The following C12orf42 variants were observed in gnomAD, a reference collection of about 807,000 sequenced individuals.
The protein encoded by C12orf42 is chromosome 12 open reading frame 42.
C12orf42 carries 25 observed loss-of-function variants against 21.6 expected under a neutral mutation model. The ratio of observed to expected loss-of-function variants is 1.16; its 90% CI spans 0.84 to 1.62. The LOEUF is 1.62. Among genes scored for constraint, C12orf42 ranks in the 40% most tolerant of loss-of-function variants. The probability of loss-of-function intolerance (pLI) is 0.00; values close to 1 mark genes in which losing one functional copy is unlikely to be tolerated. For synonymous variants in C12orf42, 174 were observed against 175.0 expected, an observed-to-expected ratio of 0.99 and a Z score of 0.05; for missense variants, 483 against 459.3, an observed-to-expected ratio of 1.05 and a Z score of -0.47.
the C12orf42 span, among the ~76,000 whole-genome samples, chr12:103,563,437 A>G: frequency 3.3e-5 from 5 of 152,240 alleles, no homozygotes; most frequent in Non-Finnish European, 5.9e-5. Flanking sequence ...CCCTGATTTT[A>G]TGTATCAGTA....
At chr12:103,208,875 G>A in the C12orf42 span, among the ~76,000 whole-genome samples, 1 of 152,118 alleles carries the variant, frequency 6.6e-6, no homozygotes, top group Non-Finnish European at 1.5e-5. Context: ...AAAGCCCTCA[G>A]CTCTTAAAGT....
chr12:103,442,516 A>T (rs889066171), intron 2 of C12orf42, among the ~76,000 whole-genome samples: 2 of 152,110 alleles, frequency 1.3e-5, no homozygotes, highest in Non-Finnish European at 2.9e-5. Context: ...GCCTTAGCCT[A>T]TTCTATCATT....
chr12:103,231,196 G>A, the C12orf42 span, among the ~76,000 whole-genome samples: 2 of 152,184 alleles, frequency 1.3e-5, no homozygotes, highest in African/African-American at 2.4e-5. Context: ...AGCAGAAAGT[G>A]TAGAGATTTC....
rs768800813 is a variant in C12orf42 at position 103,302,512 on chromosome 12, G to T, written c.679C>A (p.Gln227Lys). ...GTGCTCTGCAGAGCGCCGGGCGTCT[G>T]GCTCCTCCTGCAGAGGCCGATGGCA... ...STAIGLCRRSQTPGALQSTGP... is the reference protein window; with the variant it reads ...STAIGLCRRSKTPGALQSTGP... Residue 227 changes from glutamine (Q) to lysine (K), a missense_variant, in exon 6 of 6, where the codon CAG (glutamine) becomes AAG (lysine). Physicochemically the swap from Gln to Lys is moderately conservative, Grantham distance 53 (BLOSUM62 1). Transcript: ENST00000548883. 150 of 1,612,958 alleles carry T rather than the reference G, an allele frequency of 9.3e-5. No homozygotes were observed. The highest frequency in any genetic ancestry group is 1.2e-4 in the Non-Finnish European group (146 of 1,179,772).
chr12:103,160,206 A>C, the C12orf42 span, among the ~76,000 whole-genome samples: 1 of 152,210 alleles, frequency 6.6e-6, no homozygotes. Flanking sequence ...CTAACATCAA[A>C]AATTCCAGAG....
the C12orf42 span, among the ~76,000 whole-genome samples, chr12:103,112,356 C>A: frequency 6.6e-6 from 1 of 152,048 alleles, no homozygotes; most frequent in Non-Finnish European, 1.5e-5. Flanking sequence ...CAGATTATTC[C>A]CTGATTTAAC....
chr12:103,293,761 T>C (rs2036970708), intron 4 of C12orf42, among the ~76,000 whole-genome samples: 1 of 152,168 alleles, frequency 6.6e-6, no homozygotes, highest in African/African-American at 2.4e-5. Flanking sequence ...ATCAAATATA[T>C]TACTACGTCT....
chr12:103,163,169 A>G, the C12orf42 span, among the ~76,000 whole-genome samples: 1 of 152,344 alleles, frequency 6.6e-6, no homozygotes, highest in South Asian at 2.1e-4. Flanking sequence ...GTTGAATTAA[A>G]TACAAAATCA....
At chr12:103,374,445 G>A (rs1272137234) in intron 3 of C12orf42, among the ~76,000 whole-genome samples, 2 of 152,126 alleles carry the variant, frequency 1.3e-5, no homozygotes, top group East Asian at 3.8e-4. Flanking sequence ...TCACCAGCAT[G>A]AGGCAAGCAT....
intron 4 of C12orf42, among the ~76,000 whole-genome samples, chr12:103,365,324 T>G (rs1259420300): frequency 3.3e-5 from 5 of 152,068 alleles, no homozygotes. Flanking sequence ...GTGACATGCC[T>G]CAATGTAATA....
Position 103,377,141 on chromosome 12 carries a change from C to A in C12orf42, c.148-8143G>T, listed in dbSNP as rs192029469. Among the ~76,000 whole-genome samples the A allele has an allele frequency of 2.4e-3, 361 of 152,042 alleles. 2 individuals are homozygous for A. The highest frequency in any genetic ancestry group is 4.9e-4 in the Non-Finnish European group (33 of 67,984). ...TTCCCTTATTCCTGAGTATTTTGAT[C>A]TTAGGGTCTGGGCTTGCCTTAGTAG... On this transcript the variant is annotated intron_variant, in intron 3 of 5. Coordinates refer to ENST00000548883, the MANE Select transcript of C12orf42 (RefSeq NM_198521.5).
chr12:103,437,257 T>C (rs1395318240), intron 2 of C12orf42, among the ~76,000 whole-genome samples: 2 of 151,734 alleles, frequency 1.3e-5, no homozygotes, highest in Non-Finnish European at 2.9e-5. Context: ...TTCAAAGCAG[T>C]GTGTAGAGGG....
rs1593381197 is a variant in C12orf42, at chr12:103,312,039, T to C, written c.260-5694A>G. Among the ~76,000 whole-genome samples, 5 of 152,242 alleles carry C rather than the reference T, an allele frequency of 3.3e-5. No homozygotes were observed. The South Asian group carries it at 1.0e-3, about 31-fold the overall frequency. ...ATGGTCCTCATTTCAGAAACCAGCA[T>C]TATTTGCTCCTTTACAACTTGCATG... On this transcript the variant is annotated intron_variant, in intron 4 of 5. Transcript: ENST00000548883.
the C12orf42 span, among the ~76,000 whole-genome samples, chr12:103,117,382 G>A: frequency 6.6e-6 from 1 of 152,108 alleles, no homozygotes; most frequent in Non-Finnish European, 1.5e-5. Flanking sequence ...ACTATATTTA[G>A]TGTTTAGCCC....
At chr12:103,165,810 G>GT in the C12orf42 span, among the ~76,000 whole-genome samples, 2,912 of 112,560 alleles carry the variant, frequency 0.026, 34 homozygotes, top group East Asian at 0.066. Context: ...GGGAGGCCGA[G>GT]GGGGTAGATC....
the C12orf42 span, among the ~76,000 whole-genome samples, chr12:103,531,230 T>G: frequency 1.3e-5 from 2 of 152,224 alleles, no homozygotes; most frequent in African/African-American, 4.8e-5. Flanking sequence ...TTAAAAATAA[T>G]GTGCCAGCTA....
intron 4 of C12orf42, among the ~76,000 whole-genome samples, chr12:103,329,348 G>A (rs538052715): frequency 6.6e-6 from 1 of 152,146 alleles, no homozygotes; most frequent in Non-Finnish European, 1.5e-5. Flanking sequence ...CATGGACACA[G>A]GGAGGGGAAC....
chr12:103,369,564 G>T (rs367970962), intron 3 of C12orf42, among the ~76,000 whole-genome samples: 1 of 151,724 alleles, frequency 6.6e-6, no homozygotes, highest in African/African-American at 2.4e-5. Flanking sequence ...TGAAAGAATG[G>T]AGAGGCAGGG....
chr12:103,389,305 G>A (rs191599925), intron 3 of C12orf42, among the ~76,000 whole-genome samples: 1 of 152,274 alleles, frequency 6.6e-6, no homozygotes, highest in East Asian at 1.9e-4. Context: ...GTAGAAAGTG[G>A]AATTTGACTA....
Sources: allele counts gnomAD v4.1 joint callset (sites outside exome capture counted in the v4.1 genomes callset), GRCh38; gene constraint gnomAD v4.1.1; transcripts MANE v1.5; gene names NCBI Gene and HGNC (gene_info 2026-07-23, HGNC 2026-07-21).